Variants in TMEM179 observed in about 807,000 individuals in gnomAD.
The protein encoded by TMEM179 is transmembrane protein 179A.
TMEM179 carries 17 observed loss-of-function variants against 22.2 expected under a neutral mutation model. The ratio of observed to expected loss-of-function variants is 0.77; its 90% CI spans 0.52 to 1.15. The LOEUF is 1.15. Ranked by LOEUF, TMEM179 falls within the 50% of genes most tolerant of loss-of-function variation. TMEM179 has a pLI of 0.00. For synonymous variants in TMEM179, 127 were observed against 140.5 expected (o/e 0.90, Z 0.68); for missense variants, 265 against 313.6 (o/e 0.84, Z 1.17).
intron 2 of TMEM179, 128 bp downstream of exon 2, chr14:104,596,862 G>T: frequency 1.6e-6 from 2 of 1,256,434 alleles, no homozygotes; most frequent in Non-Finnish European, 2.2e-6. Context: ...GGGGCACAGT[G>T]CACAGTGGGA....
intron 3 of TMEM179, chr14:104,594,146 C>T (rs1886936472): frequency 8.1e-7 from 1 of 1,231,694 alleles, no homozygotes; most frequent in Admixed American, 4.2e-5. Context: ...AGCTGATTCT[C>T]ATTTGAGCGT....
Position 104,604,181 on chromosome 14 carries a change from C to G in TMEM179, c.305+256G>C, listed in dbSNP as rs1323176948. Among the ~76,000 whole-genome samples, 1 of 152,184 alleles carries G rather than the reference C, an allele frequency of 6.6e-6. No homozygotes were observed. Among genetic ancestry groups the G allele is most frequent in the African/African-American group, 2.4e-5 (1 of 41,444 alleles). ...ATCTGCAACCCAAGGGAGCAGATGC[C>G]CGGAAGCGGGAGGTGATGCGCAGCT... On this transcript the variant is annotated intron_variant, in intron 1 of 3. Coordinates refer to ENST00000556573, the MANE Select transcript of TMEM179 (RefSeq NM_001286389.2). This position sits in a 1 kb window ranked among gnomAD's most constrained non-coding sequence, Gnocchi z 4.6.
chr14:104,594,024 C>T (rs76817967), intron 3 of TMEM179: 132,640 of 1,219,992 alleles, frequency 0.11, 8,430 homozygotes, highest in African/African-American at 0.28. Flanking sequence ...CTAAGGAGGG[C>T]GGGTAAACAG....
Position 104,591,483 on chromosome 14 carries a change from G to A in TMEM179, c.*1996C>T, listed in dbSNP as rs1422814066. 4 of 451,496 alleles carry A rather than the reference G, an allele frequency of 8.9e-6. No individual in the cohort carries two copies. Among genetic ancestry groups the A allele is most frequent in the Admixed American group, 4.8e-5 (2 of 41,876 alleles). 28.0% of individuals were successfully genotyped at this position (451,496 alleles called of 1,614,324 possible). On this transcript the variant is annotated 3_prime_UTR_variant, in exon 4 of 4. Coordinates refer to ENST00000556573, the MANE Select transcript of TMEM179 (RefSeq NM_001286389.2). ...GGAGACAGGGGACCCCATCAGCTTA[G>A]GGGGCCTCGGATTCTGTCCAAACCC...
rs1282749973 is a variant in TMEM179, at chr14:104,595,975, G to A, written c.444-732C>T. On this transcript the variant is annotated intron_variant, in intron 2 of 3. Coordinates refer to ENST00000556573, the MANE Select transcript of TMEM179 (RefSeq NM_001286389.2). The surrounding 1 kb of genome is among the most constrained non-coding windows in gnomAD (Gnocchi z 5.7). The stretch of plus-strand genomic sequence containing the variant: ...GTGAGGCCAAGGAAACTTTGCGTGT[G>A]TACCAGAGGTTGCCCACACTCTTGG... 2.0e-5 allele frequency among the ~76,000 whole-genome samples: 3 copies of A among 152,266 alleles called. No homozygotes were observed. Among genetic ancestry groups the A allele is most frequent in the South Asian group, 2.1e-4 (1 of 4,838 alleles).
Position 104,593,509 on chromosome 14 carries a change from G to A in TMEM179, c.672C>T (p.Ser224=). 1 of 1,535,948 alleles carries A rather than the reference G, an allele frequency of 6.5e-7. No homozygotes were observed. The highest frequency in any genetic ancestry group is 8.7e-7 in the Non-Finnish European group (1 of 1,146,776). The part of the protein sequence containing the change: ...LLLARPSPRT[S]FQEEKSAVI ...TGACAGCGCTCTTCTCCTCTTGGAA[G>A]GAGGTGCGTGGGGACGGCCGGGCCA... is the stretch of plus-strand genomic sequence containing the variant. Residue 224 remains serine (S), a synonymous_variant, in exon 4 of 4, where the codon TCC becomes TCT. Coordinates refer to ENST00000556573, the MANE Select transcript of TMEM179 (RefSeq NM_001286389.2).
At chr14:104,598,893 C>T (rs1887139925) in intron 1 of TMEM179, among the ~76,000 whole-genome samples, 1 of 152,234 alleles carries the variant, frequency 6.6e-6, no homozygotes, top group Non-Finnish European at 1.5e-5. Context: ...AACAACCACA[C>T]CAACGAGGGC....
chr14:104,595,010 C>A lies in TMEM179; in HGVS notation c.522+155G>T. On this transcript the variant is annotated intron_variant, in intron 3 of 3. Coordinates refer to ENST00000556573, the MANE Select transcript of TMEM179 (RefSeq NM_001286389.2). The surrounding 1 kb of genome is among the most constrained non-coding windows in gnomAD (Gnocchi z 5.7). Reference sequence around the variant, plus strand: ...TCCCCCACCTCCTGCAGGAAGCCTTCCCGACTGCTCCCACTGCCTGGTCCC... The same window carrying A: ...TCCCCCACCTCCTGCAGGAAGCCTTACCGACTGCTCCCACTGCCTGGTCCC... The A allele has an allele frequency of 6.7e-7, 1 of 1,500,792 alleles. No individual in the cohort carries two copies. The highest frequency in any genetic ancestry group is 1.4e-5 in the South Asian group (1 of 72,628). 93.0% of individuals were successfully genotyped at this position (1,500,792 alleles called of 1,614,324 possible). A position where few individuals can be genotyped will look rare whatever the true frequency, so the allele number is the denominator to read the frequency against.
At position 104,591,632 on chromosome 14, in the gene TMEM179, A is replaced by G; in HGVS notation, c.*1847T>C. 1 of 341,196 alleles carries G rather than the reference A, an allele frequency of 2.9e-6. No homozygotes were observed. The highest frequency in any genetic ancestry group is 5.8e-6 in the Non-Finnish European group (1 of 172,950). 21.1% of individuals were successfully genotyped at this position (341,196 alleles called of 1,614,324 possible). ...CCCCCGATGGGCACCTGCCAGCCTC[A>G]CTCCCGGGACCCAGGATGATGCCCC... On this transcript the variant is annotated 3_prime_UTR_variant, in exon 4 of 4. Transcript: ENST00000556573.
At position 104,595,025 on chromosome 14, in the gene TMEM179, TG is replaced by T; in HGVS notation, c.522+139del. ...AGGAAGCCTTCCCGACTGCTCCCAC[TG>T]CCTGGTCCCATTGCTAACTACCTTA... On this transcript the variant is annotated intron_variant, in intron 3 of 3. Coordinates refer to ENST00000556573, the MANE Select transcript of TMEM179 (RefSeq NM_001286389.2). The surrounding 1 kb of genome is among the most constrained non-coding windows in gnomAD (Gnocchi z 5.7). 6.6e-7 allele frequency: 1 copy of T among 1,515,114 alleles called. No homozygotes were observed. Among genetic ancestry groups the T allele is most frequent in the Non-Finnish European group, 8.9e-7 (1 of 1,129,484 alleles). 93.9% of individuals were successfully genotyped at this position (1,515,114 alleles called of 1,614,324 possible).
intron 1 of TMEM179, among the ~76,000 whole-genome samples, chr14:104,601,358 T>C (rs576248744): frequency 6.6e-6 from 1 of 152,154 alleles, no homozygotes; most frequent in Non-Finnish European, 1.5e-5. Flanking sequence ...AAACATTATC[T>C]GGGGACTCCT....
In TMEM179 at chr14:104,597,189, C is replaced by G; in HGVS notation, c.306-62G>C. 2.6e-6 allele frequency: 4 copies of G among 1,516,048 alleles called. No individual in the cohort carries two copies. The highest frequency in any genetic ancestry group is 3.5e-6 in the Non-Finnish European group (4 of 1,134,198). The allele number at this position is 1,516,048 out of a possible 1,614,324, so 93.9% of individuals were successfully genotyped here. A position where few individuals can be genotyped will look rare whatever the true frequency, so the allele number is the denominator to read the frequency against. ...ACCACCTCCCAGGCGACCCCCGCCC[C>G]CAGGCTGCAGCCAGAAACAGGAGGG... On this transcript the variant is annotated intron_variant, in intron 1 of 3. Coordinates refer to ENST00000556573, the MANE Select transcript of TMEM179 (RefSeq NM_001286389.2). This position sits in a 1 kb window ranked among gnomAD's most constrained non-coding sequence, Gnocchi z 4.8.
At chr14:104,598,178 T>G (rs1411796096) in intron 1 of TMEM179, among the ~76,000 whole-genome samples, 4 of 151,808 alleles carry the variant, frequency 2.6e-5, no homozygotes, top group African/African-American at 9.7e-5. Context: ...GGGCCTGGGG[T>G]GGGCTCAGCC....
chr14:104,593,892 A>G (rs1886926283), intron 3 of TMEM179, among the ~76,000 whole-genome samples: 4 of 151,910 alleles, frequency 2.6e-5, no homozygotes, highest in Admixed American at 2.6e-4. Flanking sequence ...CCCGGAACCC[A>G]CTCTGGTGCA....
intron 1 of TMEM179, among the ~76,000 whole-genome samples, chr14:104,600,975 G>A (rs1887217941): frequency 6.6e-6 from 1 of 152,224 alleles, no homozygotes; most frequent in South Asian, 2.1e-4. Context: ...GCCAGAGTCT[G>A]ATGGGGTCAG....
At chr14:104,594,722 A>G in intron 3 of TMEM179, 1 of 1,153,628 alleles carries the variant, frequency 8.7e-7, no homozygotes, top group East Asian at 4.1e-5. Context: ...CCTTCCTTGG[A>G]CTCTGTATCA....
rs1331741050 is a variant in TMEM179, at chr14:104,596,911, G to T, written c.443+79C>A. ...ACTCAGGATGGGCTTCGTGAGGGAA[G>T]ATCACCCACAGCAGGGCAGGGTGTC... On this transcript the variant is annotated intron_variant, in intron 2 of 3. Coordinates refer to ENST00000556573, the MANE Select transcript of TMEM179 (RefSeq NM_001286389.2). 5.8e-6 allele frequency: 9 copies of T among 1,538,554 alleles called. No homozygotes were observed. In the East Asian group the frequency reaches 1.8e-4, roughly 31 times the overall value.
intron 3 of TMEM179, chr14:104,594,891 C>T (rs1886965369): frequency 7.9e-7 from 1 of 1,270,646 alleles, no homozygotes; most frequent in South Asian, 2.1e-5. Flanking sequence ...CACACCCCCA[C>T]ACTTCCCACC....
chr14:104,600,423 C>T (rs140887373), intron 1 of TMEM179, among the ~76,000 whole-genome samples: 4 of 152,364 alleles, frequency 2.6e-5, no homozygotes, highest in East Asian at 3.9e-4. Context: ...ATGAGTTTAA[C>T]GCAGCATCCC....
Sources: gnomAD v4.1 joint callset for allele counts (sites outside exome capture counted in the v4.1 genomes callset) on GRCh38, gnomAD v4.1.1 for gene constraint, Gnocchi (gnomAD v3.1) non-coding constraint, MANE v1.5 for transcripts, NCBI Gene and HGNC (gene_info 2026-07-23, HGNC 2026-07-21) for gene names.